The following CNTN5 variants were observed in gnomAD, a reference collection of about 807,000 sequenced individuals.
CNTN5 encodes contactin 5, also known as contactin-5.
In CNTN5, 77 loss-of-function variants were observed where a neutral mutation model predicts 129.1. The ratio of observed to expected loss-of-function variants is 0.60; its 90% confidence interval spans 0.50 to 0.72. The LOEUF (loss-of-function observed/expected upper bound fraction) is 0.72, where lower values mean the gene tolerates loss of function less well. Ranked by LOEUF, CNTN5 falls within the 30% of genes least tolerant of loss-of-function variation. The pLI, the probability that CNTN5 is intolerant of heterozygous loss-of-function variation, is 0.00. For missense variants in CNTN5, 1,478 were observed against 1,328.8 expected (o/e 1.11, Z -1.75); for synonymous variants, 509 against 465.6 (o/e 1.09, Z -1.20).
intron 3 of CNTN5, among the ~76,000 whole-genome samples, chr11:99,727,789 CTG>C (rs1374866956): frequency 6.6e-6 from 1 of 152,078 alleles, no homozygotes; most frequent in Admixed American, 6.6e-5. Flanking sequence ...CATTTTAAAA[CTG>C]TCATATTTAT....
chr11:99,819,006 C>A (rs907957657), intron 3 of CNTN5, among the ~76,000 whole-genome samples: 2 of 151,848 alleles, frequency 1.3e-5, no homozygotes, highest in Non-Finnish European at 2.9e-5. Flanking sequence ...ATTGAACACA[C>A]CTCATACTAC....
At chr11:99,857,552 G>A (rs143629875) in intron 6 of CNTN5, among the ~76,000 whole-genome samples, 4 of 152,186 alleles carry the variant, frequency 2.6e-5, no homozygotes, top group Non-Finnish European at 5.9e-5. Flanking sequence ...CATTGAAAAT[G>A]AATATTAATA....
rs191756801 is a variant in CNTN5, at chr11:100,303,263, C to G, written c.2620+3867C>G. The stretch of plus-strand genomic sequence containing the variant: ...GGGTATGATATAATTCTATACAACA[C>G]GCTAATTTTGGAAACAATTCCATTT... On this transcript the variant is annotated intron_variant, in intron 20 of 24. Transcript: ENST00000524871. Among the ~76,000 whole-genome samples, 4 of 151,256 alleles carry G rather than the reference C, an allele frequency of 2.6e-5. No individual in the cohort carries two copies. The South Asian group carries it at 6.2e-4, about 24-fold the overall frequency.
At position 99,364,928 on chromosome 11, in the gene CNTN5, C is replaced by A. The variant is rs1437948136; in HGVS notation, c.-71+39444C>A. ...GGTCAGATTCACGTCTTAAATAGAT[C>A]ACTCTGGTACCTGAATAAGGATGGC... On this transcript the variant is annotated intron_variant, in intron 2 of 24. Transcript: ENST00000524871. Among the ~76,000 whole-genome samples, 3 of 152,040 alleles carry A rather than the reference C, an allele frequency of 2.0e-5. No homozygotes were observed. The East Asian group carries it at 5.8e-4, about 29-fold the overall frequency.
At chr11:99,919,975 A>G (rs1211696928) in intron 7 of CNTN5, among the ~76,000 whole-genome samples, 2 of 151,986 alleles carry the variant, frequency 1.3e-5, no homozygotes, top group Non-Finnish European at 2.9e-5. Flanking sequence ...TTTTAATGCA[A>G]TCATACAATC....
intron 1 of CNTN5, among the ~76,000 whole-genome samples, chr11:99,200,454 AAC>A (rs530898965): frequency 1.1e-3 from 175 of 152,306 alleles, no homozygotes; most frequent in African/African-American, 4.2e-3. Flanking sequence ...CATCTTTCCC[AAC>A]ACGTTTTGCT....
chr11:100,154,867 T>TTGTTTG (rs1947186365), intron 13 of CNTN5, among the ~76,000 whole-genome samples: 1 of 150,292 alleles, frequency 6.7e-6, no homozygotes, highest in African/African-American at 2.4e-5. Flanking sequence ...TTTTGATGGG[T>TTGTTTG]TTTTTTTCTT....
At chr11:100,028,253 A>C (rs1941528369) in intron 9 of CNTN5, among the ~76,000 whole-genome samples, 1 of 152,218 alleles carries the variant, frequency 6.6e-6, no homozygotes, top group Non-Finnish European at 1.5e-5. Context: ...CTGTAGTTGA[A>C]TAGGTTACAT....
chr11:99,900,100 CT>C (rs1001068415), intron 6 of CNTN5, among the ~76,000 whole-genome samples: 19 of 150,116 alleles, frequency 1.3e-4, no homozygotes, highest in Admixed American at 1.1e-3. Flanking sequence ...AGTCTTCTCT[CT>C]TTTTTTTTCT....
At chr11:100,154,390 T>C (rs1947166306) in intron 13 of CNTN5, among the ~76,000 whole-genome samples, 1 of 151,944 alleles carries the variant, frequency 6.6e-6, no homozygotes, top group African/African-American at 2.4e-5. Context: ...GTCTTTGCTA[T>C]TGCGAACAGT....
At chr11:99,690,151 A>C (rs1366822181) in intron 3 of CNTN5, among the ~76,000 whole-genome samples, 1 of 152,158 alleles carries the variant, frequency 6.6e-6, no homozygotes, top group Admixed American at 6.6e-5. Context: ...GCATATGGCT[A>C]GCCAGTTCTC....
intron 3 of CNTN5, among the ~76,000 whole-genome samples, chr11:99,784,793 G>GTTT (rs1404257858): frequency 1.0e-4 from 9 of 85,756 alleles, no homozygotes; most frequent in Admixed American, 8.8e-4. Context: ...GTATCTCATT[G>GTTT]TGTTTTTTTT....
intron 13 of CNTN5, among the ~76,000 whole-genome samples, chr11:100,075,065 A>G (rs1346503284): frequency 6.6e-6 from 1 of 152,164 alleles, no homozygotes; most frequent in Non-Finnish European, 1.5e-5. Context: ...TTGATCTAGA[A>G]GTATAAGGAG....
intron 21 of CNTN5, among the ~76,000 whole-genome samples, chr11:100,329,586 T>A (rs2138983608): frequency 6.6e-6 from 1 of 152,212 alleles, no homozygotes; most frequent in South Asian, 2.1e-4. Flanking sequence ...ACTCCCCAAC[T>A]AACACCACTG....
intron 18 of CNTN5, among the ~76,000 whole-genome samples, chr11:100,295,451 A>AT (rs1295297289): frequency 6.6e-6 from 1 of 151,252 alleles, no homozygotes; most frequent in East Asian, 1.9e-4. Context: ...TTTTTTTTTA[A>AT]TTTTTTACTC....
chr11:99,951,222 T>G (rs1950665529), intron 7 of CNTN5, among the ~76,000 whole-genome samples: 2 of 151,376 alleles, frequency 1.3e-5, no homozygotes, highest in African/African-American at 4.9e-5. Context: ...AATGTGTCTG[T>G]GTGTAATAGG....
intron 3 of CNTN5, among the ~76,000 whole-genome samples, chr11:99,747,387 G>A (rs1403949408): frequency 6.7e-6 from 1 of 150,288 alleles, no homozygotes; most frequent in African/African-American, 2.4e-5. Flanking sequence ...TTTCCAATTC[G>A]AATATATTTA....
intron 10 of CNTN5, 141 bp downstream of exon 10, chr11:100,061,534 G>C (rs1205421730): frequency 6.6e-6 from 4 of 602,348 alleles, no homozygotes; most frequent in African/African-American, 5.5e-5. Context: ...GTATGGTAAG[G>C]CATCATGTCA....
intron 13 of CNTN5, among the ~76,000 whole-genome samples, chr11:100,152,914 C>A (rs1255013703): frequency 6.6e-6 from 1 of 151,944 alleles, no homozygotes; most frequent in Non-Finnish European, 1.5e-5. Flanking sequence ...CCAGGATCTG[C>A]CTCCTCAGGG....
Sources: gnomAD v4.1 joint callset for allele counts (sites outside exome capture counted in the v4.1 genomes callset) on GRCh38, gnomAD v4.1.1 for gene constraint, MANE v1.5 for transcripts, NCBI Gene and HGNC (gene_info 2026-07-23, HGNC 2026-07-21) for gene names.